PRSS55: variants seen among roughly 807,000 people sequenced by gnomAD.
PRSS55 encodes probable serine protease UNQ9391/PRO34284.
In PRSS55, 41 loss-of-function variants were observed where a neutral mutation model predicts 23.6. The observed-to-expected ratio is 1.74, with a 90% CI of 1.35 to 2.26. PRSS55 has a LOEUF of 2.26. Among genes scored for constraint, PRSS55 ranks in the 30% most tolerant of loss-of-function variants. The probability of loss-of-function intolerance (pLI) is 0.00; values close to 1 mark genes in which losing one functional copy is unlikely to be tolerated. For synonymous variants in PRSS55, 262 were observed against 175.5 expected (o/e 1.49, Z -3.90); for missense variants, 669 against 439.1 (o/e 1.52, Z -4.68).
rs776707006 is a variant in PRSS55, at chr8:10,531,543, C to G, written c.596C>G (p.Ala199Gly). 2 of 1,613,374 alleles carry G rather than the reference C, an allele frequency of 1.2e-6. No homozygotes were observed. The highest frequency in any genetic ancestry group is 2.2e-5 in the East Asian group (1 of 44,882). Reference sequence around the variant, plus strand: ...GTGGCAGGTTGGGGCCAGACCAATGCTGGTATGTGACTGCTCAGCTTCCCC... The same window carrying G: ...GTGGCAGGTTGGGGCCAGACCAATGGTGGTATGTGACTGCTCAGCTTCCCC... ...CWVAGWGQTNAADKNSVKTDL... is the reference protein window; with the variant it reads ...CWVAGWGQTNGADKNSVKTDL... Residue 199 changes from alanine to glycine, a missense_variant and splice_region_variant, in exon 3 of 5, where the codon GCT (alanine) becomes GGT (glycine). By Grantham distance (60) the Ala-to-Gly change is moderately conservative. Transcript: ENST00000328655.
intron 4 of PRSS55, among the ~76,000 whole-genome samples, chr8:10,533,782 C>T (rs189888317): frequency 2.6e-5 from 4 of 152,224 alleles, no homozygotes; most frequent in Admixed American, 2.0e-4. Flanking sequence ...TGGACCTTGT[C>T]GTTGGTATAA....
intron 2 of PRSS55, among the ~76,000 whole-genome samples, chr8:10,530,564 G>C (rs567711859): frequency 6.6e-6 from 1 of 152,192 alleles, no homozygotes; most frequent in East Asian, 1.9e-4. Flanking sequence ...CTCGTTTATA[G>C]ATAAGGAAAC....
chr8:10,538,642 G>A lies in PRSS55; in HGVS notation c.908G>A (p.Gly303Asp), dbSNP rs924183463. The A allele has an allele frequency of 6.2e-7, 1 of 1,614,154 alleles. No individual in the cohort carries two copies. Among genetic ancestry groups the A allele is most frequent in the Non-Finnish European group, 8.5e-7 (1 of 1,180,030 alleles). Residue 303 changes from glycine (G) to aspartate (D), a missense_variant, in exon 5 of 5, where the codon GGC becomes GAC. By Grantham distance (94) the Gly-to-Asp change is moderately conservative (BLOSUM62 -1). Coordinates refer to ENST00000328655, the MANE Select transcript of PRSS55 (RefSeq NM_198464.4). ...LWIEKVTQLEGRPFNAEKRRT... is the reference protein window; with the variant it reads ...LWIEKVTQLEDRPFNAEKRRT... ...ATCGAGAAAGTGACCCAGCTAGAGG[G>A]CAGGCCCTTCAATGCAGAGAAAAGG... is the stretch of plus-strand genomic sequence containing the variant.
At chr8:10,539,361 G>C (rs960998634), downstream of PRSS55, among the ~76,000 whole-genome samples, 1 of 152,238 alleles carries the variant, frequency 6.6e-6, no homozygotes, top group African/African-American at 2.4e-5. Flanking sequence ...TGACATATGA[G>C]ATGAACCACC....
chr8:10,540,707 T>G (rs921269782), downstream of PRSS55: 1 of 152,044 alleles, frequency 6.6e-6, no homozygotes, highest in African/African-American at 2.4e-5. Flanking sequence ...AAGAGTGAAC[T>G]CTATCTCCAA....
At chr8:10,537,576 A>T (rs1360892249) in intron 4 of PRSS55, among the ~76,000 whole-genome samples, 1 of 94,746 alleles carries the variant, frequency 1.1e-5, no homozygotes, top group Non-Finnish European at 2.3e-5. Flanking sequence ...TGTATATTTC[A>T]AAATTAACTG....
intron 4 of PRSS55, among the ~76,000 whole-genome samples, chr8:10,546,896 G>A (rs1293910263): frequency 6.6e-6 from 1 of 151,982 alleles, no homozygotes; most frequent in Non-Finnish European, 1.5e-5. Context: ...TCCCAGGCTG[G>A]CCTTGTACTC....
intron 1 of PRSS55, among the ~76,000 whole-genome samples, chr8:10,528,625 C>G (rs1216366569): frequency 6.6e-6 from 1 of 152,200 alleles, no homozygotes; most frequent in African/African-American, 2.4e-5. Context: ...CTACAACAGC[C>G]AGGGCTTTCC....
intron 4 of PRSS55, among the ~76,000 whole-genome samples, chr8:10,537,181 T>C (rs1812485844): frequency 2.0e-5 from 3 of 152,218 alleles, no homozygotes; most frequent in Admixed American, 2.0e-4. Context: ...GCACTTGCAT[T>C]TTTATAGGAG....
chr8:10,535,751 G>A (rs1049557964), intron 4 of PRSS55, among the ~76,000 whole-genome samples: 1 of 152,126 alleles, frequency 6.6e-6, no homozygotes, highest in Non-Finnish European at 1.5e-5. Flanking sequence ...CACAGCTAAG[G>A]AAACTATTAA....
chr8:10,552,045 G>A lies in PRSS55; in HGVS notation c.742-1898G>A, dbSNP rs182428190. On this transcript the variant is annotated intron_variant, in intron 4 of 4. Transcript: ENST00000522210. ...CGGAAGTTACTGGGGAAAGGGCACC[G>A]TTTCCTGCCTTGCCTCAGTAAGCCT... Among the ~76,000 whole-genome samples the A allele has an allele frequency of 7.2e-3, 1,101 of 152,320 alleles. 6 individuals are homozygous for A. The highest frequency in any genetic ancestry group is 0.011 in the Non-Finnish European group (747 of 68,032).
At chr8:10,544,383 T>A (rs1812760239) in intron 4 of PRSS55, among the ~76,000 whole-genome samples, 1 of 150,752 alleles carries the variant, frequency 6.6e-6, no homozygotes, top group South Asian at 2.1e-4. Flanking sequence ...CTGTTTCTTT[T>A]TATTTTTAAC....
chr8:10,547,284 C>G (rs1302213987), intron 4 of PRSS55: 1 of 152,374 alleles, frequency 6.6e-6, no homozygotes, highest in Non-Finnish European at 1.5e-5. Context: ...GGGGCATCAC[C>G]CCTCACCCAA....
chr8:10,544,995 CTGT>C, intron 4 of PRSS55: 1 of 985,176 alleles, frequency 1.0e-6, no homozygotes, highest in Non-Finnish European at 1.2e-6. Context: ...ACTGTGTGCT[CTGT>C]TGACCCAGCC....
chr8:10,549,739 G>A (rs1382213640), intron 4 of PRSS55, among the ~76,000 whole-genome samples: 5 of 152,126 alleles, frequency 3.3e-5, no homozygotes, highest in Non-Finnish European at 7.4e-5. Flanking sequence ...GGAGAAAGAC[G>A]GAGTGCTTGG....
intron 3 of PRSS55, 31 bp downstream of exon 3, chr8:10,531,576 A>G (rs1812268432): frequency 6.2e-7 from 1 of 1,609,338 alleles, no homozygotes; most frequent in African/African-American, 1.3e-5. Flanking sequence ...CCCTGGGGAA[A>G]AAGCCACTGC....
chr8:10,529,574 G>A lies in PRSS55; in HGVS notation c.222G>A (p.Ala74=), dbSNP rs199715267. 213 of 1,614,204 alleles carry A rather than the reference G, an allele frequency of 1.3e-4. No homozygotes were observed. The highest frequency in any genetic ancestry group is 1.7e-4 in the Non-Finnish European group (198 of 1,180,036). ...CCAGAATCACAGGGGGGATGGAGGC[G>A]GAGGTGGGTGAGTTTCCGTGGCAGG... The part of the protein sequence containing the change: ...RYSRITGGME[A]EVGEFPWQVS... Residue 74 remains alanine, a synonymous_variant, in exon 2 of 5, where the codon GCG becomes GCA. Coordinates refer to ENST00000328655, the MANE Select transcript of PRSS55 (RefSeq NM_198464.4).
chr8:10,528,767 A>C (rs1364637888), intron 1 of PRSS55, among the ~76,000 whole-genome samples: 2 of 152,232 alleles, frequency 1.3e-5, no homozygotes, highest in Non-Finnish European at 2.9e-5. Context: ...GAGCTCCAGC[A>C]AAGGCCTTCT....
chr8:10,531,259 C>G (rs559770908), intron 2 of PRSS55, 36 bp from the exon 3 acceptor site: 9 of 1,609,560 alleles, frequency 5.6e-6, no homozygotes, highest in Non-Finnish European at 6.8e-6. Flanking sequence ...CTTCCCTTCC[C>G]CTTCCACTTG....
Sources: gnomAD v4.1 joint callset for allele counts (sites outside exome capture counted in the v4.1 genomes callset) on GRCh38, gnomAD v4.1.1 for gene constraint, MANE v1.5 for transcripts, NCBI Gene and HGNC (gene_info 2026-07-23, HGNC 2026-07-21) for gene names.